Variants in PKN3 observed in about 807,000 individuals in gnomAD.
PKN3 encodes protein kinase N3.
Under a neutral mutation model 113.1 loss-of-function variants are expected in PKN3, and 91 were observed. The ratio of observed to expected loss-of-function variants is 0.80; its 90% CI spans 0.68 to 0.96. The LOEUF (loss-of-function observed/expected upper bound fraction) is 0.96. PKN3 is among the 40% of genes least tolerant of loss of function. PKN3 has a pLI of 0.00. For synonymous variants in PKN3, 467 were observed against 499.0 expected, an observed-to-expected ratio of 0.94 and a Z score of 0.85; for missense variants, 1,052 against 1,202.2, an observed-to-expected ratio of 0.88 and a Z score of 1.85.
Position 128,720,393 on chromosome 9 carries a change from GACC to G in PKN3, c.2462_2464del (p.Thr821del). On this transcript the variant is annotated inframe_deletion and splice_region_variant, in exon 22 of 22. Transcript: ENST00000291906. The surrounding 1 kb of genome is among the most constrained non-coding windows in gnomAD (Gnocchi z 5.5). ...CTCAGGCGCCTCTCCTTTGCCCTCA[GACC>G]ACCAACTGGCAAGCCCTGCTCGCCC... 2.5e-6 allele frequency: 4 copies of G among 1,613,004 alleles called. No individual in the cohort carries two copies. Among genetic ancestry groups the G allele is most frequent in the Non-Finnish European group, 3.4e-6 (4 of 1,179,956 alleles).
chr9:128,713,907 G>T, intron 9 of PKN3, 139 bp from the exon 10 acceptor site: 1 of 885,334 alleles, frequency 1.1e-6, no homozygotes. Flanking sequence ...TGAGGACATT[G>T]AATCTGTTTC....
chr9:128,716,323 C>T lies in PKN3; in HGVS notation c.1809-424C>T, dbSNP rs1309349550. Among the ~76,000 whole-genome samples the T allele has an allele frequency of 1.0e-4, 15 of 147,314 alleles. No homozygotes were observed. The East Asian group carries it at 2.4e-3, about 24-fold the overall frequency. ...AAAAAAAAAAAAAAAAAAGGCTGGG[C>T]GCACTGGCTCACACTTGTAATCCCA... On this transcript the variant is annotated intron_variant, in intron 15 of 21. Transcript: ENST00000291906.
chr9:128,708,311 G>A (rs1194715434), intron 6 of PKN3, among the ~76,000 whole-genome samples: 1 of 152,060 alleles, frequency 6.6e-6, no homozygotes, highest in Non-Finnish European at 1.5e-5. Flanking sequence ...GAACCCAGGA[G>A]GTGAGGTTGC....
Position 128,716,597 on chromosome 9 carries a change from C to CAA in PKN3, c.1809-135_1809-134dup, listed in dbSNP as rs374683003. ...CAGGCGACAGAGCAAGACTGTGTCTCAAAAAAAAAAAAAAAATGAAAAGAA... is the reference window on the plus strand; with the variant it reads ...CAGGCGACAGAGCAAGACTGTGTCTCAAAAAAAAAAAAAAAAAATGAAAAGAA... On this transcript the variant is annotated intron_variant, in intron 15 of 21. Coordinates refer to ENST00000291906, the MANE Select transcript of PKN3 (RefSeq NM_013355.5). 3,932 of 566,494 alleles carry CAA rather than the reference C, an allele frequency of 6.9e-3. 109 individuals carry two copies. The highest frequency in any genetic ancestry group is 0.067 in the African/African-American group (3,382 of 50,556). The allele number at this position is 566,494 out of a possible 1,614,324, so 35.1% of individuals were successfully genotyped here.
At chr9:128,712,428 T>G (rs1862207842) in intron 6 of PKN3, among the ~76,000 whole-genome samples, 1 of 152,090 alleles carries the variant, frequency 6.6e-6, no homozygotes, top group African/African-American at 2.4e-5. Flanking sequence ...ACAAAACACG[T>G]TTCATATCCA....
In PKN3 at chr9:128,705,829, A is replaced by G. The variant is rs751915793; in HGVS notation, c.361A>G (p.Lys121Glu). 6.2e-7 allele frequency: 1 copy of G among 1,609,250 alleles called. No homozygotes were observed. The highest frequency in any genetic ancestry group is 8.5e-7 in the Non-Finnish European group (1 of 1,177,856). The change falls in exon 3 of 22, where the codon AAG becomes GAG. Residue 121 changes from lysine (K) to glutamate (E), a missense_variant. Physicochemically the swap from Lys to Glu is moderately conservative, Grantham distance 56 (BLOSUM62 1). Transcript: ENST00000291906. ...GCAGCTGCATGTGGAGCTGAAGGTG[A>G]AGCAGGGGGCTGAGAACATGACCCA... ...RRQLHVELKV[K>E]QGAENMTHTC...
chr9:128,717,612 T>A (rs71499410), intron 16 of PKN3, among the ~76,000 whole-genome samples: 1 of 150,660 alleles, frequency 6.6e-6, no homozygotes, highest in Non-Finnish European at 1.5e-5. Flanking sequence ...CCTGTAATCC[T>A]AGCTACTTGA....
chr9:128,717,694 G>T (rs1410171356), intron 16 of PKN3, among the ~76,000 whole-genome samples: 1 of 140,890 alleles, frequency 7.1e-6, no homozygotes, highest in Non-Finnish European at 1.5e-5. Context: ...CGCCACTTCG[G>T]TCTGGCGACA....
intron 8 of PKN3, 53 bp downstream of exon 8, chr9:128,713,440 G>T (rs977856863): frequency 1.9e-6 from 3 of 1,612,586 alleles, no homozygotes; most frequent in South Asian, 2.2e-5. Context: ...GGGGTGGAAG[G>T]CTGCCCAGGT....
chr9:128,705,320 G>T lies in PKN3; in HGVS notation c.42G>T (p.Trp14Cys). Residue 14 changes from tryptophan (W) to cysteine (C), a missense_variant, in exon 2 of 22, where the codon TGG becomes TGT. Trp to Cys is a radical substitution (Grantham distance 215, BLOSUM62 -2). Coordinates refer to ENST00000291906, the MANE Select transcript of PKN3 (RefSeq NM_013355.5). ...GAPRQPGPSQ[W>C]PPEDEKEVIR... The stretch of plus-strand genomic sequence containing the variant: ...CTCTGCAGCCTGGGCCGAGCCAGTG[G>T]CCCCCAGAGGATGAGAAGGAGGTGA... 1 of 1,558,552 alleles carries T rather than the reference G, an allele frequency of 6.4e-7. No individual in the cohort carries two copies. The highest frequency in any genetic ancestry group is 8.7e-7 in the Non-Finnish European group (1 of 1,152,454).
chr9:128,702,873 C>A lies in PKN3; in HGVS notation c.-43C>A, dbSNP rs748952149. ...GCGGAGGGTCTGCGGCTTCCGGGAC[C>A]GGAGTGGCTGAGAGAAGGGCCCCAA... On this transcript the variant is annotated 5_prime_UTR_variant, in exon 1 of 22. Transcript: ENST00000291906. 7.0e-7 allele frequency: 1 copy of A among 1,429,126 alleles called. No individual in the cohort carries two copies. Among genetic ancestry groups the A allele is most frequent in the Admixed American group, 2.2e-5 (1 of 45,962 alleles). The allele number at this position is 1,429,126 out of a possible 1,614,324, so 88.5% of individuals were successfully genotyped here.
At position 128,714,121 on chromosome 9, in the gene PKN3, G is replaced by A; in HGVS notation, c.1312G>A (p.Gly438Ser). The change falls in exon 10 of 22, where the codon GGC becomes AGC. Residue 438 changes from glycine to serine, a missense_variant and splice_region_variant. Around this residue, in one of 2 missense-constraint regions of PKN3, gnomAD observed 719 missense variants for 759.4 expected, o/e 0.95. Transcript: ENST00000291906. ...GGAACGCATCTTCTCTAAACGCAGA[G>A]GTGTGGAGGGAATGGGGGCTATGTG... ...RQERIFSKRRGQDFLRASQMN... is the reference protein window; with the variant it reads ...RQERIFSKRRSQDFLRASQMN... 6.2e-7 allele frequency: 1 copy of A among 1,614,120 alleles called. No homozygotes were observed. The highest frequency in any genetic ancestry group is 8.5e-7 in the Non-Finnish European group (1 of 1,179,984).
In PKN3 at chr9:128,713,085, A is replaced by T; in HGVS notation, c.869A>T (p.Gln290Leu). ...TLQVRLLGCE[Q>L]LLTAVPGRSP... ...CAGGTCCGCCTCCTGGGCTGTGAACAGTTGCTGACAGCCGTGCCTGGGCGC... is the reference window on the plus strand; with the variant it reads ...CAGGTCCGCCTCCTGGGCTGTGAACTGTTGCTGACAGCCGTGCCTGGGCGC... The change falls in exon 7 of 22, where the codon CAG (glutamine) becomes CTG (leucine). Residue 290 changes from glutamine (Q) to leucine (L), a missense_variant. Around this residue, in one of 2 missense-constraint regions of PKN3, gnomAD observed 719 missense variants for 759.4 expected, o/e 0.95. Coordinates refer to ENST00000291906, the MANE Select transcript of PKN3 (RefSeq NM_013355.5). 1 of 1,611,838 alleles carries T rather than the reference A, an allele frequency of 6.2e-7. No individual in the cohort carries two copies. Among genetic ancestry groups the T allele is most frequent in the Non-Finnish European group, 8.5e-7 (1 of 1,179,082 alleles).
intron 16 of PKN3, 26 bp from the exon 17 acceptor site, chr9:128,718,299 G>A: frequency 1.2e-6 from 2 of 1,608,032 alleles, no homozygotes; most frequent in Non-Finnish European, 1.7e-6. Context: ...TCTTGGGCCT[G>A]AGTTCTCCCA....
Position 128,702,887 on chromosome 9 carries a change from GA to G in PKN3, c.-27del. 6.8e-7 allele frequency: 1 copy of G among 1,478,328 alleles called. No individual in the cohort carries two copies. Among genetic ancestry groups the G allele is most frequent in the Non-Finnish European group, 9.0e-7 (1 of 1,109,040 alleles). 91.6% of individuals were successfully genotyped at this position (1,478,328 alleles called of 1,614,324 possible). A position where few individuals can be genotyped will look rare whatever the true frequency, so the allele number is the denominator to read the frequency against. ...GCTTCCGGGACCGGAGTGGCTGAGA[GA>G]AGGGCCCCAAGCGGCCGGAGCGGCG... On this transcript the variant is annotated 5_prime_UTR_variant, in exon 1 of 22. Coordinates refer to ENST00000291906, the MANE Select transcript of PKN3 (RefSeq NM_013355.5).
intron 9 of PKN3, 118 bp from the exon 10 acceptor site, chr9:128,713,928 T>C: frequency 9.5e-7 from 1 of 1,055,972 alleles, no homozygotes; most frequent in Non-Finnish European, 1.5e-6. Flanking sequence ...TCTGGGTCTT[T>C]CTGGCTCTTG....
chr9:128,703,324 T>TG (rs961456826), intron 1 of PKN3: 44 of 962,198 alleles, frequency 4.6e-5, no homozygotes, highest in African/African-American at 1.2e-4. Flanking sequence ...CACAGGGGCC[T>TG]GGGGGGGTTA....
rs199969698 is a variant in PKN3 at position 128,720,185 on chromosome 9, G to A, written c.2377-18G>A. ...CTGGGGCTGAATGCCCTAAGTGAGC[G>A]CCTGTCCTATTGCCCAGCTCCTCCA... On this transcript the variant is annotated intron_variant, in intron 20 of 21. Transcript: ENST00000291906. The surrounding 1 kb of genome is among the most constrained non-coding windows in gnomAD (Gnocchi z 5.5). 41 of 1,610,816 alleles carry A rather than the reference G, an allele frequency of 2.5e-5. 1 individual carries two copies. Among genetic ancestry groups the A allele is most frequent in the South Asian group, 2.1e-4 (19 of 90,824 alleles).
Position 128,714,124 on chromosome 9 carries a change from G to T in PKN3, c.1312+3G>T, listed in dbSNP as rs1349175467. ...ACGCATCTTCTCTAAACGCAGAGGT[G>T]TGGAGGGAATGGGGGCTATGTGTGA... On this transcript the variant is annotated splice_donor_region_variant and intron_variant, in intron 10 of 21. Coordinates refer to ENST00000291906, the MANE Select transcript of PKN3 (RefSeq NM_013355.5). 1 of 1,614,154 alleles carries T rather than the reference G, an allele frequency of 6.2e-7. No individual in the cohort carries two copies. The highest frequency in any genetic ancestry group is 8.5e-7 in the Non-Finnish European group (1 of 1,179,994).
Sources: allele counts gnomAD v4.1 joint callset (sites outside exome capture counted in the v4.1 genomes callset), GRCh38; gene constraint gnomAD v4.1.1; regional missense constraint gnomAD v4.1.1; non-coding constraint Gnocchi (gnomAD v3.1); transcripts MANE v1.5; gene names NCBI Gene and HGNC (gene_info 2026-07-23, HGNC 2026-07-21).